The following COL12A1 variants were observed in gnomAD, a reference collection of about 807,000 sequenced individuals.
COL12A1 encodes the protein collagen type XII alpha 1 chain.
A neutral mutation model predicts 349.7 loss-of-function variants in COL12A1; 114 were observed. The ratio of observed to expected loss-of-function variants is 0.33; its 90% confidence interval spans 0.28 to 0.38. The LOEUF is 0.38. Ranked by LOEUF, COL12A1 falls within the 10% of genes least tolerant of loss-of-function variation. The probability of loss-of-function intolerance (pLI) is 1.00; values close to 1 mark genes in which losing one functional copy is unlikely to be tolerated. For missense variants in COL12A1, 3,284 were observed against 3,756.9 expected (o/e 0.87, Z 3.29); for synonymous variants, 1,369 against 1,329.0 (o/e 1.03, Z -0.66).
At chr6:75,169,935 AT>A (rs1475185082) in intron 13 of COL12A1, among the ~76,000 whole-genome samples, 1 of 152,058 alleles carries the variant, frequency 6.6e-6, no homozygotes. Flanking sequence ...TTCAAAAGCC[AT>A]TTTTCTAGTG....
In COL12A1 at chr6:75,177,658, T is replaced by C; in HGVS notation, c.2437+5A>G. 1 of 1,614,156 alleles carries C rather than the reference T, an allele frequency of 6.2e-7. No homozygotes were observed. Among genetic ancestry groups the C allele is most frequent in the East Asian group, 2.2e-5 (1 of 44,872 alleles). On this transcript the variant is annotated splice_donor_5th_base_variant and intron_variant, in intron 12 of 65. Coordinates refer to ENST00000322507, the MANE Select transcript of COL12A1 (RefSeq NM_004370.6). ...GTCACCATATGATAAGCATATTTCC[T>C]CTACCTTCTTCAGTGGCTGCATTTC... is the stretch of plus-strand genomic sequence containing the variant.
intron 1 of COL12A1, among the ~76,000 whole-genome samples, chr6:75,205,497 C>T (rs559862375): frequency 6.6e-6 from 1 of 152,140 alleles, no homozygotes; most frequent in Admixed American, 6.5e-5. Context: ...ACAGATGAAA[C>T]TCCTCTAGAA....
Position 75,175,024 on chromosome 6 carries a change from A to T in COL12A1, c.2710+14T>A. On this transcript the variant is annotated intron_variant, in intron 13 of 65. Transcript: ENST00000322507. ...ACAAGTTCCTGGATTTTCAGAAAAT[A>T]TGATGGTAATTACCTTCAAGTGTTG... 1.2e-6 allele frequency: 2 copies of T among 1,612,042 alleles called. No homozygotes were observed. Among genetic ancestry groups the T allele is most frequent in the East Asian group, 2.2e-5 (1 of 44,850 alleles).
intron 2 of COL12A1, 141 bp downstream of exon 2, chr6:75,202,579 C>A (rs1582233086): frequency 4.0e-6 from 3 of 742,174 alleles, no homozygotes; most frequent in African/African-American, 1.8e-5. Flanking sequence ...GAGAAAGGGG[C>A]GTTTCTCTGA....
At chr6:75,149,033 T>C (rs553428946) in intron 21 of COL12A1, among the ~76,000 whole-genome samples, 13 of 152,302 alleles carry the variant, frequency 8.5e-5, no homozygotes, top group South Asian at 4.1e-4. Context: ...AGACCTCCCT[T>C]GCTCTTCCTC....
intron 16 of COL12A1, 36 bp from the exon 17 acceptor site, chr6:75,154,573 C>A: frequency 6.4e-7 from 1 of 1,554,508 alleles, no homozygotes; most frequent in South Asian, 1.2e-5. Flanking sequence ...CCTGTGAGAA[C>A]CATAGGCTCA....
intron 2 of COL12A1, among the ~76,000 whole-genome samples, chr6:75,201,597 T>C (rs1023953917): frequency 2.6e-5 from 4 of 151,308 alleles, no homozygotes; most frequent in Admixed American, 2.6e-4. Context: ...TTTTTTTTCC[T>C]CCCTTAACTT....
chr6:75,137,701 C>T, intron 30 of COL12A1, 122 bp from the exon 31 acceptor site: 4 of 1,079,736 alleles, frequency 3.7e-6, no homozygotes, highest in Non-Finnish European at 5.3e-6. Flanking sequence ...AAATTCGTTC[C>T]CTTAATAAAA....
chr6:75,085,349 C>G lies in COL12A1; in HGVS notation c.*1198G>C, dbSNP rs921764930. Reference sequence around the variant, plus strand: ...CGCGCTCAGGCAGGTAGGCCCCGCCCTCGGGCACGTAAGGCTCTGTCCGAT... The same window carrying G: ...CGCGCTCAGGCAGGTAGGCCCCGCCGTCGGGCACGTAAGGCTCTGTCCGAT... On this transcript the variant is annotated 3_prime_UTR_variant, in exon 66 of 66. Transcript: ENST00000322507. 2.1e-6 allele frequency: 1 copy of G among 470,960 alleles called. No homozygotes were observed. Among genetic ancestry groups the G allele is most frequent in the Non-Finnish European group, 4.4e-6 (1 of 227,036 alleles). The allele number at this position is 470,960 out of a possible 1,614,324, so 29.2% of individuals were successfully genotyped here.
chr6:75,165,472 G>A (rs774968316), intron 14 of COL12A1, 35 bp downstream of exon 14: 60 of 1,600,732 alleles, frequency 3.7e-5, no homozygotes, highest in African/African-American at 2.8e-4. Context: ...GGGTAGCACC[G>A]GCACACACCC....
chr6:75,126,955 A>G (rs1217799588), intron 38 of COL12A1, among the ~76,000 whole-genome samples: 3 of 152,072 alleles, frequency 2.0e-5, no homozygotes, highest in Non-Finnish European at 4.4e-5. Context: ...CCTAGAATAA[A>G]TCCTTAAGCT....
chr6:75,165,633 G>T lies in COL12A1; in HGVS notation c.2857C>A (p.Leu953Met). The T allele has an allele frequency of 6.2e-7, 1 of 1,613,982 alleles. No individual in the cohort carries two copies. Among genetic ancestry groups the T allele is most frequent in the Non-Finnish European group, 8.5e-7 (1 of 1,179,912 alleles). ...YDDVDTGEKN[L>M]PEDAIHTMIE... is the part of the protein sequence containing the mutation. ...ATCGTATGAATTGCATCTTCAGGCA[G>T]ATTTTTCTCTCCAGTGTCAACATCA... Residue 953 changes from leucine (L) to methionine (M), a missense_variant, in exon 14 of 66, where the codon CTG becomes ATG. Leu to Met is a conservative substitution (Grantham distance 15). Coordinates refer to ENST00000322507, the MANE Select transcript of COL12A1 (RefSeq NM_004370.6).
At chr6:75,128,622 A>G (rs1009561062) in intron 37 of COL12A1, among the ~76,000 whole-genome samples, 197 bp from the exon 38 acceptor site, 1 of 152,228 alleles carries the variant, frequency 6.6e-6, no homozygotes, top group African/African-American at 2.4e-5. Flanking sequence ...AGAATCAGAC[A>G]GCTCTGGGTT....
rs1769481003 is a variant in COL12A1 at position 75,184,094 on chromosome 6, C to T, written c.1048G>A (p.Val350Ile). 2.5e-6 allele frequency: 4 copies of T among 1,613,962 alleles called. No individual in the cohort carries two copies. Among genetic ancestry groups the T allele is most frequent in the African/African-American group, 1.3e-5 (1 of 74,902 alleles). Residue 350 changes from valine to isoleucine, a missense_variant, in exon 9 of 66, where the codon GTT becomes ATT. By Grantham distance (29) the Val-to-Ile change is conservative. This residue lies in a region of COL12A1 where 2,601 missense variants were observed against 2,824.8 expected (regional missense o/e 0.92). Transcript: ENST00000322507. ...LIAMEVSSKY[V>I]KLNWNPSPSP... ...GGAGATGGATTCCAATTTAGCTTAA[C>T]ATATTTTGAAGAGACTTCCATGGCA...
Position 75,151,146 on chromosome 6 carries a change from C to A in COL12A1, c.4142G>T (p.Gly1381Val), listed in dbSNP as rs777412297. The change falls in exon 21 of 66, where the codon GGT becomes GTT. Residue 1381 changes from glycine to valine, a missense_variant. This residue lies in a region of COL12A1 where 2,601 missense variants were observed against 2,824.8 expected (regional missense o/e 0.92). Transcript: ENST00000322507. ...AAACTCTGGGTTAAACTTACCTGGA[C>A]CTTTGACACTGTTACACAAATTAAT... ...LTINLCNSVK[G>V]PGDLEAPSNL... 1 of 1,563,448 alleles carries A rather than the reference C, an allele frequency of 6.4e-7. No individual in the cohort carries two copies. Among genetic ancestry groups the A allele is most frequent in the Non-Finnish European group, 8.7e-7 (1 of 1,150,484 alleles).
At chr6:75,112,357 C>A (rs1768882133) in intron 51 of COL12A1, among the ~76,000 whole-genome samples, 1 of 151,752 alleles carries the variant, frequency 6.6e-6, no homozygotes, top group Non-Finnish European at 1.5e-5. Context: ...TGCACACATA[C>A]CCCTGAACTT....
chr6:75,115,737 T>A, intron 49 of COL12A1, 47 bp downstream of exon 49: 2 of 1,555,544 alleles, frequency 1.3e-6, no homozygotes, highest in Non-Finnish European at 1.7e-6. Flanking sequence ...TTCCAAGAAC[T>A]TTTTGCAGGT....
At chr6:75,112,958 T>C (rs1277232068) in intron 51 of COL12A1, 7 of 245,624 alleles carry the variant, frequency 2.8e-5, no homozygotes, top group African/African-American at 6.9e-5. Context: ...ATGTTATATA[T>C]AGTATGATTC....
Position 75,102,581 on chromosome 6 carries a change from A to G in COL12A1, c.8415+16T>C. 2.7e-6 allele frequency: 4 copies of G among 1,488,748 alleles called. No individual in the cohort carries two copies. The highest frequency in any genetic ancestry group is 1.4e-5 in the South Asian group (1 of 72,090). 92.2% of individuals were successfully genotyped at this position (1,488,748 alleles called of 1,614,324 possible). On this transcript the variant is annotated intron_variant, in intron 56 of 65. Transcript: ENST00000322507. ...ATCCACCACTCTCATTTAATACAGA[A>G]AGGCTTTGTGCTTACTTGCTCTCCC...
Sources: gnomAD v4.1 joint callset for allele counts (sites outside exome capture counted in the v4.1 genomes callset) on GRCh38, gnomAD v4.1.1 for gene constraint, gnomAD v4.1.1 regional missense constraint, MANE v1.5 for transcripts, NCBI Gene and HGNC (gene_info 2026-07-23, HGNC 2026-07-21) for gene names.